Variants in POLR3H observed in about 807,000 individuals in gnomAD.
The protein encoded by POLR3H is RNA polymerase III subunit H.
POLR3H carries 17 observed loss-of-function variants against 25.5 expected under a neutral mutation model. The observed-to-expected ratio is 0.67, with a 90% confidence interval of 0.46 to 1.00. The LOEUF is 1.00. POLR3H is among the 50% of genes least tolerant of loss of function. POLR3H has a pLI of 0.00. For synonymous variants in POLR3H, 129 were observed against 103.0 expected (o/e 1.25, Z -1.53); for missense variants, 274 against 265.0 (o/e 1.03, Z -0.24).
chr22:41,543,387 G>A (rs994387417), intron 1 of POLR3H, among the ~76,000 whole-genome samples: 1 of 152,108 alleles, frequency 6.6e-6, no homozygotes, highest in African/African-American at 2.4e-5. Flanking sequence ...CAGCACTTTG[G>A]GAGGCCGAGG....
Position 41,540,725 on chromosome 22 carries a change from G to A in POLR3H, c.182C>T (p.Pro61Leu). 1 of 1,613,960 alleles carries A rather than the reference G, an allele frequency of 6.2e-7. No individual in the cohort carries two copies. Among genetic ancestry groups the A allele is most frequent in the Non-Finnish European group, 8.5e-7 (1 of 1,179,846 alleles). The change falls in exon 2 of 6, where the codon CCT becomes CTT. Residue 61 changes from proline to leucine, a missense_variant. By Grantham distance (98) the Pro-to-Leu change is moderately conservative. Transcript: ENST00000355209. The stretch of plus-strand genomic sequence containing the variant: ...TTTGGTGTGTGATGCGCCATCCCCA[G>A]GGAATACATAGGCATCCTCCAGTTT... ...ITKLEDAYVF[P>L]GDGASHTKVH...
At position 41,526,936 on chromosome 22, in the gene POLR3H, G is replaced by A. The variant is rs1430008339; in HGVS notation, c.*2347C>T. 17 of 377,134 alleles carry A rather than the reference G, an allele frequency of 4.5e-5. No individual in the cohort carries two copies. Among genetic ancestry groups the A allele is most frequent in the Non-Finnish European group, 8.2e-5 (17 of 206,244 alleles). The allele number at this position is 377,134 out of a possible 1,614,324, so 23.4% of individuals were successfully genotyped here. On this transcript the variant is annotated 3_prime_UTR_variant, in exon 6 of 6. Transcript: ENST00000355209. Reference sequence around the variant, plus strand: ...TGGGGCAGAGGGTGCTCCCAGGAAGGGGGCGCCTTGAGCTTCACAGATGCA... The same window carrying A: ...TGGGGCAGAGGGTGCTCCCAGGAAGAGGGCGCCTTGAGCTTCACAGATGCA...
At position 41,532,097 on chromosome 22, in the gene POLR3H, T is replaced by G; in HGVS notation, c.356A>C (p.Lys119Thr). The change falls in exon 4 of 6, where the codon AAG (lysine) becomes ACG (threonine). Residue 119 changes from lysine (K) to threonine (T), a missense_variant. Lys to Thr is a moderately conservative substitution (Grantham distance 78, BLOSUM62 -1). Coordinates refer to ENST00000355209, the MANE Select transcript of POLR3H (RefSeq NM_001018050.4). ...CACTTTAACCCTTGGAGGATACAAC[T>G]TGGCTGGCTGCTGCAGTGACTCTGG... ...IPPESLQQPA[K>T]FDEAEQVWVW... 1 of 1,613,982 alleles carries G rather than the reference T, an allele frequency of 6.2e-7. No individual in the cohort carries two copies. The highest frequency in any genetic ancestry group is 8.5e-7 in the Non-Finnish European group (1 of 1,179,884).
chr22:41,530,968 A>G, intron 4 of POLR3H, 80 bp from the exon 5 acceptor site: 1 of 1,373,198 alleles, frequency 7.3e-7, no homozygotes, highest in East Asian at 2.3e-5. Context: ...CCCCGCAGGA[A>G]AAACCAATCT....
At chr22:41,542,637 G>A (rs1429711220) in intron 1 of POLR3H, among the ~76,000 whole-genome samples, 2 of 152,134 alleles carry the variant, frequency 1.3e-5, no homozygotes, top group Non-Finnish European at 2.9e-5. Flanking sequence ...ACACTCAACT[G>A]TGGACCCTTC....
Position 41,529,337 on chromosome 22 carries a change from C to T in POLR3H, c.562-1G>A, listed in dbSNP as rs1177223952. ...CCAGGCCTGGCTCACTGATGGATCC[C>T]TGCCAGGGATAAAGAACACGCACAT... On this transcript the variant is annotated splice_acceptor_variant, in intron 5 of 5. Transcript: ENST00000355209. LOFTEE classifies it high-confidence loss of function. 1 of 1,613,560 alleles carries T rather than the reference C, an allele frequency of 6.2e-7. No individual in the cohort carries two copies. The highest frequency in any genetic ancestry group is 8.5e-7 in the Non-Finnish European group (1 of 1,179,834).
intron 2 of POLR3H, among the ~76,000 whole-genome samples, chr22:41,534,590 A>AT: frequency 6.6e-6 from 1 of 152,188 alleles, no homozygotes; most frequent in African/African-American, 2.4e-5. Context: ...TTGTAGGGTG[A>AT]TAAAAACGCT....
chr22:41,537,092 A>G (rs2145561798), intron 2 of POLR3H, among the ~76,000 whole-genome samples: 1 of 152,164 alleles, frequency 6.6e-6, no homozygotes. Context: ...CCAGGCTTGG[A>G]GGATGTGGGG....
intron 3 of POLR3H, 88 bp from the exon 4 acceptor site, chr22:41,532,245 C>T: frequency 7.9e-7 from 1 of 1,269,966 alleles, no homozygotes; most frequent in East Asian, 2.3e-5. Context: ...CAGGCAAGCC[C>T]TGCCTGGGGC....
chr22:41,533,661 G>C (rs1452603268), intron 2 of POLR3H: 4 of 1,303,918 alleles, frequency 3.1e-6, no homozygotes, highest in Non-Finnish European at 2.0e-6. Context: ...CAGGGCATGA[G>C]GAGAGGCAGC....
chr22:41,528,078 C>A lies in POLR3H; in HGVS notation c.*1205G>T. On this transcript the variant is annotated 3_prime_UTR_variant, in exon 6 of 6. Coordinates refer to ENST00000355209, the MANE Select transcript of POLR3H (RefSeq NM_001018050.4). ...GGGTGAGGGGCAGCCACCTTGTTTC[C>A]CCTCCTGCACTGGCCCCAGGGTAGC... 8.7e-6 allele frequency: 14 copies of A among 1,610,578 alleles called. No individual in the cohort carries two copies. The highest frequency in any genetic ancestry group is 1.2e-5 in the Non-Finnish European group (14 of 1,178,790).
At chr22:41,533,303 C>A (rs1601950890) in intron 2 of POLR3H, among the ~76,000 whole-genome samples, 1 of 152,190 alleles carries the variant, frequency 6.6e-6, no homozygotes, top group African/African-American at 2.4e-5. Context: ...ACACTCTGAC[C>A]CCAGGCCCTG....
At position 41,526,013 on chromosome 22, in the gene POLR3H, G is replaced by T. The variant is rs2066586626; in HGVS notation, c.*3270C>A. 4.6e-6 allele frequency: 2 copies of T among 431,434 alleles called. No individual in the cohort carries two copies. Among genetic ancestry groups the T allele is most frequent in the Non-Finnish European group, 4.2e-6 (1 of 240,602 alleles). The allele number at this position is 431,434 out of a possible 1,614,324, so 26.7% of individuals were successfully genotyped here. ...GAACATTGACCTGTCCCAACTTTGG[G>T]CGGCCTCTGCCCCATAAGGGAGACT... is the stretch of plus-strand genomic sequence containing the variant. On this transcript the variant is annotated 3_prime_UTR_variant, in exon 6 of 6. Transcript: ENST00000355209.
At chr22:41,542,063 A>C (rs1601968173) in intron 1 of POLR3H, among the ~76,000 whole-genome samples, 2 of 130,386 alleles carry the variant, frequency 1.5e-5, no homozygotes, top group African/African-American at 5.7e-5. Context: ...CCTCTTCCAC[A>C]CCATGGTGGG....
Position 41,544,334 on chromosome 22 carries a change from C to T in POLR3H, c.-233G>A. 1 of 417,852 alleles carries T rather than the reference C, an allele frequency of 2.4e-6. No homozygotes were observed. The highest frequency in any genetic ancestry group is 4.3e-6 in the Non-Finnish European group (1 of 234,444). 25.9% of individuals were successfully genotyped at this position (417,852 alleles called of 1,614,324 possible). On this transcript the variant is annotated 5_prime_UTR_variant, in exon 1 of 6. Transcript: ENST00000355209. ...CTCCGTCCACAGCTCCGGGTGCGCG[C>T]CCGCGCCGCGAGACCCCGCCACGCC... is the stretch of plus-strand genomic sequence containing the variant.
In POLR3H at chr22:41,540,805, TACAAAC is replaced by T. The variant is rs1408824911; in HGVS notation, c.112-16_112-11del. On this transcript the variant is annotated splice_polypyrimidine_tract_variant and intron_variant, in intron 1 of 5. Transcript: ENST00000355209. ...CCACGTTGTACACGACCTGCATGCA[TACAAAC>T]ACAGACACACAAGTACACATGGATA... 1.2e-6 allele frequency: 2 copies of T among 1,607,550 alleles called. No individual in the cohort carries two copies. Among genetic ancestry groups the T allele is most frequent in the African/African-American group, 2.7e-5 (2 of 74,772 alleles).
At chr22:41,540,843 G>T in intron 1 of POLR3H, 48 bp from the exon 2 acceptor site, 1 of 1,432,820 alleles carries the variant, frequency 7.0e-7, no homozygotes, top group Non-Finnish European at 9.8e-7. Context: ...GATACAGAGT[G>T]ACCACAGGCC....
chr22:41,535,306 T>C (rs562867298), intron 2 of POLR3H, among the ~76,000 whole-genome samples: 2 of 152,244 alleles, frequency 1.3e-5, no homozygotes, highest in Non-Finnish European at 2.9e-5. Flanking sequence ...GCACAACTCT[T>C]AATATACAAA....
intron 2 of POLR3H, chr22:41,540,262 T>G (rs1181884354): frequency 3.0e-6 from 1 of 328,680 alleles, no homozygotes; most frequent in Non-Finnish European, 5.9e-6. Context: ...CAGGGCTCAG[T>G]AGCAATGAGA....
Sources: gnomAD v4.1 joint callset for allele counts (sites outside exome capture counted in the v4.1 genomes callset) on GRCh38, gnomAD v4.1.1 for gene constraint, MANE v1.5 for transcripts, NCBI Gene and HGNC (gene_info 2026-07-23, HGNC 2026-07-21) for gene names.